MEIS1: variants seen among roughly 807,000 people sequenced by gnomAD.
MEIS1 encodes homeobox protein Meis1.
A neutral mutation model predicts 50.8 loss-of-function variants in MEIS1; 5 were observed. The observed-to-expected ratio is 0.10, with a 90% CI of 0.05 to 0.21. MEIS1 has a LOEUF of 0.21. MEIS1 is among the 10% of genes least tolerant of loss of function. The pLI, the probability that MEIS1 is intolerant of heterozygous loss-of-function variation, is 1.00. For missense variants in MEIS1, 318 were observed against 517.3 expected, an observed-to-expected ratio of 0.61 and a Z score of 3.74; for synonymous variants, 176 against 179.3, an observed-to-expected ratio of 0.98 and a Z score of 0.15.
At chr2:66,441,138 C>CGAATCTAAATA in intron 4 of MEIS1, 1 of 433,474 alleles carries the variant, frequency 2.3e-6, no homozygotes. Context: ...TGGGGTGGGG[C>CGAATCTAAATA]CAGTGGGACT....
At chr2:66,458,726 A>T (rs1672452064) in intron 6 of MEIS1, among the ~76,000 whole-genome samples, 1 of 152,192 alleles carries the variant, frequency 6.6e-6, no homozygotes, top group Non-Finnish European at 1.5e-5. Context: ...TTTGACTGTT[A>T]TGCTACAACT....
chr2:66,495,785 G>T (rs1384320309), intron 7 of MEIS1, among the ~76,000 whole-genome samples: 1 of 152,190 alleles, frequency 6.6e-6, no homozygotes, highest in East Asian at 1.9e-4. Flanking sequence ...GAGTGATGAG[G>T]GTTTGGAGCA....
intron 8 of MEIS1, among the ~76,000 whole-genome samples, chr2:66,523,569 A>G (rs1004351441): frequency 1.3e-5 from 2 of 152,228 alleles, no homozygotes; most frequent in African/African-American, 4.8e-5. Flanking sequence ...AAGATGATGT[A>G]TTTTGAGCTG....
chr2:66,486,304 T>A (rs1261881508), intron 7 of MEIS1, among the ~76,000 whole-genome samples: 1 of 152,296 alleles, frequency 6.6e-6, no homozygotes, highest in African/African-American at 2.4e-5. Flanking sequence ...CCAGTTTCAG[T>A]TTTCTGCATA....
chr2:66,469,907 A>G (rs1418862570), intron 7 of MEIS1, among the ~76,000 whole-genome samples: 1 of 151,486 alleles, frequency 6.6e-6, no homozygotes, highest in African/African-American at 2.4e-5. Context: ...CAAAGTTAAT[A>G]CTGCTTGTTT....
At chr2:66,497,023 T>C (rs1673422873) in intron 7 of MEIS1, among the ~76,000 whole-genome samples, 1 of 152,218 alleles carries the variant, frequency 6.6e-6, no homozygotes, top group Non-Finnish European at 1.5e-5. Flanking sequence ...TGTCTCTTTT[T>C]TCTTTGCCTT....
intron 9 of MEIS1, among the ~76,000 whole-genome samples, chr2:66,553,504 T>C (rs1210871702): frequency 6.6e-6 from 1 of 152,200 alleles, no homozygotes; most frequent in Non-Finnish European, 1.5e-5. Flanking sequence ...TAAGAAAATA[T>C]TGAAATCAGT....
At chr2:66,468,859 A>G (rs1324691606) in intron 7 of MEIS1, among the ~76,000 whole-genome samples, 1 of 152,202 alleles carries the variant, frequency 6.6e-6, no homozygotes, top group Non-Finnish European at 1.5e-5. Flanking sequence ...TAGAATGATG[A>G]ATGAAGTATT....
At chr2:66,449,778 A>C (rs1285276660) in intron 6 of MEIS1, among the ~76,000 whole-genome samples, 1 of 152,212 alleles carries the variant, frequency 6.6e-6, no homozygotes, top group Non-Finnish European at 1.5e-5. Context: ...CTTGCTAAAT[A>C]GCATTTCTTA....
intron 7 of MEIS1, among the ~76,000 whole-genome samples, chr2:66,475,242 ATATGT>A (rs1401779258): frequency 4.8e-5 from 7 of 147,006 alleles, no homozygotes; most frequent in Non-Finnish European, 9.0e-5. Context: ...ATATTTATAA[ATATGT>A]TATTTATAAA....
At chr2:66,551,016 C>G (rs1355740924) in intron 9 of MEIS1, among the ~76,000 whole-genome samples, 1 of 152,104 alleles carries the variant, frequency 6.6e-6, no homozygotes, top group Non-Finnish European at 1.5e-5. Context: ...AACTATGAGT[C>G]ACTGTTGAAA....
chr2:66,563,921 C>T (rs770493414), intron 9 of MEIS1, among the ~76,000 whole-genome samples: 2 of 152,086 alleles, frequency 1.3e-5, no homozygotes, highest in African/African-American at 4.8e-5. Context: ...TGTTTAAGGT[C>T]GAAAAGGTGA....
intron 7 of MEIS1, among the ~76,000 whole-genome samples, chr2:66,500,717 G>A (rs535615628): frequency 6.6e-6 from 1 of 152,276 alleles, no homozygotes; most frequent in Admixed American, 6.5e-5. Context: ...GAGCCACCGT[G>A]CCCGGCCAGC....
At chr2:66,539,765 C>G (rs1023645613) in intron 8 of MEIS1, among the ~76,000 whole-genome samples, 4 of 152,118 alleles carry the variant, frequency 2.6e-5, no homozygotes, top group Non-Finnish European at 5.9e-5. Flanking sequence ...GTTCCTTTGG[C>G]TGGATGCTGG....
intron 7 of MEIS1, among the ~76,000 whole-genome samples, chr2:66,488,236 G>A (rs1194555123): frequency 6.6e-6 from 1 of 151,930 alleles, no homozygotes; most frequent in Non-Finnish European, 1.5e-5. Flanking sequence ...AGGAATTACT[G>A]GTATAAACAG....
chr2:66,516,426 A>G (rs931494024), intron 8 of MEIS1, among the ~76,000 whole-genome samples: 2 of 152,188 alleles, frequency 1.3e-5, no homozygotes, highest in African/African-American at 2.4e-5. Context: ...TCCATTCACC[A>G]TCCTGAGGAT....
intron 9 of MEIS1, among the ~76,000 whole-genome samples, chr2:66,550,277 C>A (rs747985651): frequency 1.3e-5 from 2 of 152,108 alleles, no homozygotes; most frequent in Non-Finnish European, 2.9e-5. Flanking sequence ...GTGGCTTTTG[C>A]TTGCACCACA....
At chr2:66,462,897 T>C (rs1257178721) in intron 6 of MEIS1, among the ~76,000 whole-genome samples, 2 of 152,158 alleles carry the variant, frequency 1.3e-5, no homozygotes, top group African/African-American at 4.8e-5. Context: ...CTGGCCAAGA[T>C]TATAGAATAA....
rs182598527 is a variant in MEIS1, at chr2:66,489,593, C to T, written c.743-22556C>T. ...CATTGTGGAGAATATCACCCTGGCC[C>T]GAGTCAAGTGCACAGTGCTGCAAAA... On this transcript the variant is annotated intron_variant, in intron 7 of 12. Transcript: ENST00000272369. 1.6e-4 allele frequency among the ~76,000 whole-genome samples: 25 copies of T among 152,248 alleles called. No individual in the cohort carries two copies. The East Asian group carries it at 2.9e-3, about 18-fold the overall frequency.
Sources: allele counts gnomAD v4.1 joint callset (sites outside exome capture counted in the v4.1 genomes callset), GRCh38; gene constraint gnomAD v4.1.1; transcripts MANE v1.5; gene names NCBI Gene and HGNC (gene_info 2026-07-23, HGNC 2026-07-21).